The following SLC39A14 variants were observed in gnomAD, a reference collection of about 807,000 sequenced individuals.
SLC39A14 encodes the protein solute carrier family 39 member 14.
SLC39A14 carries 19 observed loss-of-function variants against 45.5 expected under a neutral mutation model. The observed-to-expected ratio is 0.42, with a 90% CI of 0.29 to 0.61. SLC39A14 has a LOEUF of 0.61. Ranked by LOEUF, SLC39A14 falls within the 20% of genes least tolerant of loss-of-function variation. SLC39A14 has a pLI of 0.22. For missense variants in SLC39A14, 447 were observed against 616.5 expected (o/e 0.73, Z 2.91); for synonymous variants, 264 against 251.3 (o/e 1.05, Z -0.48).
At chr8:22,398,688 G>A (rs1287415612) in intron 1 of SLC39A14, 25 of 984,168 alleles carry the variant, frequency 2.5e-5, no homozygotes, top group Admixed American at 6.2e-5. Flanking sequence ...TCTGAGAGGG[G>A]AGGTGGGCTT....
chr8:22,370,047 G>C (rs1360857145), intron 1 of SLC39A14, among the ~76,000 whole-genome samples: 1 of 152,132 alleles, frequency 6.6e-6, no homozygotes, highest in Admixed American at 6.5e-5. Context: ...TTGGTTCTGG[G>C]AGCTGCTCTG....
intron 1 of SLC39A14, among the ~76,000 whole-genome samples, chr8:22,369,732 T>A (rs1832829149): frequency 6.6e-6 from 1 of 152,216 alleles, no homozygotes; most frequent in Non-Finnish European, 1.5e-5. Flanking sequence ...TTTCTTAACT[T>A]CTGTTCTCAC....
At chr8:22,410,203 G>A in intron 3 of SLC39A14, 2 of 1,392,808 alleles carry the variant, frequency 1.4e-6, no homozygotes, top group Non-Finnish European at 2.0e-6. Context: ...GGGCTCCAAG[G>A]CACCCAATGA....
At chr8:22,392,572 C>T (rs746273593) in intron 1 of SLC39A14, among the ~76,000 whole-genome samples, 2 of 152,166 alleles carry the variant, frequency 1.3e-5, no homozygotes, top group African/African-American at 2.4e-5. Flanking sequence ...TGAACTTGGA[C>T]GACAGGGAGA....
intron 1 of SLC39A14, among the ~76,000 whole-genome samples, chr8:22,391,118 G>C (rs1834048961): frequency 6.6e-6 from 1 of 152,140 alleles, no homozygotes; most frequent in African/African-American, 2.4e-5. Flanking sequence ...TGTTAATTCA[G>C]CTCTTCGAAG....
intron 8 of SLC39A14, 36 bp downstream of exon 8, chr8:22,417,871 C>T: frequency 6.4e-7 from 1 of 1,568,240 alleles, no homozygotes; most frequent in South Asian, 1.1e-5. Flanking sequence ...GAGAGGGCGG[C>T]TAAGGGGATG....
intron 1 of SLC39A14, among the ~76,000 whole-genome samples, chr8:22,379,037 A>G (rs1833359290): frequency 6.6e-6 from 1 of 152,032 alleles, no homozygotes; most frequent in Non-Finnish European, 1.5e-5. Context: ...TCTAGGGGAG[A>G]ATGCTTCCTT....
At chr8:22,385,668 A>C (rs897271880) in intron 1 of SLC39A14, among the ~76,000 whole-genome samples, 1 of 152,184 alleles carries the variant, frequency 6.6e-6, no homozygotes, top group Non-Finnish European at 1.5e-5. Flanking sequence ...GCCAGTTGAC[A>C]CAGTGGTCTA....
At chr8:22,402,007 A>T (rs1834897937) in intron 1 of SLC39A14, among the ~76,000 whole-genome samples, 1 of 152,178 alleles carries the variant, frequency 6.6e-6, no homozygotes, top group Non-Finnish European at 1.5e-5. Flanking sequence ...CTTTTGGATT[A>T]CTTCTATTAA....
intron 1 of SLC39A14, among the ~76,000 whole-genome samples, chr8:22,400,262 T>A (rs1327465856): frequency 6.6e-6 from 1 of 152,250 alleles, no homozygotes; most frequent in Non-Finnish European, 1.5e-5. Flanking sequence ...GTGGGTCATG[T>A]TTCCTAATCG....
rs115137169 is a variant in SLC39A14 at position 22,392,081 on chromosome 8, G to C, written c.-15-12615G>C. The stretch of plus-strand genomic sequence containing the variant: ...AAGGAATACAAATCTAGCTGGGGAG[G>C]CTCCCTGGGAAACAAGGTAATGAGG... On this transcript the variant is annotated intron_variant, in intron 1 of 8. Coordinates refer to ENST00000381237, the MANE Select transcript of SLC39A14 (RefSeq NM_001128431.4). 4.0e-3 allele frequency among the ~76,000 whole-genome samples: 616 copies of C among 152,322 alleles called. 5 individuals are homozygous for C. The highest frequency in any genetic ancestry group is 0.014 in the African/African-American group (582 of 41,568).
chr8:22,386,707 T>C (rs530453300), intron 1 of SLC39A14, among the ~76,000 whole-genome samples: 36 of 152,262 alleles, frequency 2.4e-4, no homozygotes, highest in African/African-American at 8.7e-4. Context: ...AGGTAAGAGA[T>C]TGTATTTTAT....
intron 1 of SLC39A14, among the ~76,000 whole-genome samples, chr8:22,378,930 C>G (rs1454055671): frequency 6.6e-6 from 1 of 152,194 alleles, no homozygotes; most frequent in Non-Finnish European, 1.5e-5. Context: ...ATACCAGAAA[C>G]TTGGTGGCTT....
chr8:22,417,393 T>C (rs1327201140), intron 7 of SLC39A14, among the ~76,000 whole-genome samples: 1 of 152,178 alleles, frequency 6.6e-6, no homozygotes, highest in Non-Finnish European at 1.5e-5. Flanking sequence ...GCCTGTCTTG[T>C]CACTTCTGTC....
intron 3 of SLC39A14, among the ~76,000 whole-genome samples, chr8:22,410,619 G>A (rs995492865): frequency 1.3e-5 from 2 of 152,160 alleles, no homozygotes; most frequent in African/African-American, 4.8e-5. Flanking sequence ...CTAGCATAGA[G>A]AGCCAAACAC....
chr8:22,423,591 T>A (rs367732459), downstream of SLC39A14, among the ~76,000 whole-genome samples: 1 of 152,150 alleles, frequency 6.6e-6, no homozygotes, highest in East Asian at 1.9e-4. Context: ...TGCCTCGGCC[T>A]CCCAAAGTGC....
chr8:22,402,478 A>T (rs1834932101), intron 1 of SLC39A14, among the ~76,000 whole-genome samples: 1 of 152,210 alleles, frequency 6.6e-6, no homozygotes, highest in African/African-American at 2.4e-5. Flanking sequence ...GTTTTATCTT[A>T]AAAAATTCTG....
rs201267826 is a variant in SLC39A14 at position 22,387,045 on chromosome 8, A to G, written c.-15-17651A>G. ...AAAAGTAGCCAGGCATGGTGGTGTGAACGTCTGGTCCTAGCTGCCCGTGAG... is the reference window on the plus strand; with the variant it reads ...AAAAGTAGCCAGGCATGGTGGTGTGGACGTCTGGTCCTAGCTGCCCGTGAG... On this transcript the variant is annotated intron_variant, in intron 1 of 8. Transcript: ENST00000381237. Among the ~76,000 whole-genome samples the G allele has an allele frequency of 2.0e-5, 3 of 151,944 alleles. No homozygotes were observed. In the East Asian group the frequency reaches 5.8e-4, roughly 29 times the overall value.
At chr8:22,373,981 A>G (rs1330888242) in intron 1 of SLC39A14, among the ~76,000 whole-genome samples, 2 of 152,140 alleles carry the variant, frequency 1.3e-5, no homozygotes, top group East Asian at 3.9e-4. Context: ...GCTGGTCTCG[A>G]ACTCGAGCTC....
Sources: allele counts gnomAD v4.1 joint callset (sites outside exome capture counted in the v4.1 genomes callset), GRCh38; gene constraint gnomAD v4.1.1; transcripts MANE v1.5; gene names NCBI Gene and HGNC (gene_info 2026-07-23, HGNC 2026-07-21).